The following COX7B2 variants were observed in gnomAD, a reference collection of about 807,000 sequenced individuals.
COX7B2 encodes cytochrome c oxidase subunit 7B2, mitochondrial.
For synonymous variants in COX7B2, 37 were observed against 32.1 expected (o/e 1.15, Z -0.51); for missense variants, 109 against 95.9 (o/e 1.14, Z -0.57).
chr4:46,751,028 T>C, intron 2 of COX7B2, among the ~76,000 whole-genome samples: 1 of 152,302 alleles, frequency 6.6e-6, no homozygotes, highest in East Asian at 1.9e-4. Flanking sequence ...GCTTTCATGG[T>C]CCTTGACAAC....
At chr4:46,783,943 G>A (rs1044508456) in intron 2 of COX7B2, among the ~76,000 whole-genome samples, 18 of 152,116 alleles carry the variant, frequency 1.2e-4, no homozygotes, top group African/African-American at 3.6e-4. Flanking sequence ...CTACTAAGGC[G>A]AGTCCTGTCT....
chr4:46,798,604 C>T (rs1398631226), intron 2 of COX7B2, among the ~76,000 whole-genome samples: 1 of 152,130 alleles, frequency 6.6e-6, no homozygotes, highest in African/African-American at 2.4e-5. Context: ...AAGCTACTAT[C>T]CTTTTGAAAA....
intron 2 of COX7B2, among the ~76,000 whole-genome samples, chr4:46,821,237 G>A (rs116461260): frequency 3.0e-3 from 454 of 152,308 alleles, no homozygotes; most frequent in African/African-American, 0.01. Flanking sequence ...AGACGCACCA[G>A]AGAGAATTCA....
intron 2 of COX7B2, among the ~76,000 whole-genome samples, chr4:46,747,795 T>G (rs1021391348): frequency 6.6e-6 from 1 of 152,240 alleles, no homozygotes; most frequent in East Asian, 1.9e-4. Context: ...ATAAAGCTCC[T>G]TCTGGCTTTT....
At chr4:46,742,189 G>A (rs1156433110) in intron 2 of COX7B2, among the ~76,000 whole-genome samples, 2 of 152,088 alleles carry the variant, frequency 1.3e-5, no homozygotes, top group African/African-American at 2.4e-5. Context: ...TAATACAGGT[G>A]TTCTGCTGTA....
intron 2 of COX7B2, among the ~76,000 whole-genome samples, chr4:46,774,282 T>C (rs1033912334): frequency 2.6e-5 from 4 of 152,150 alleles, no homozygotes; most frequent in Non-Finnish European, 5.9e-5. Flanking sequence ...CCCGTTACCT[T>C]AGGGTCTGGT....
chr4:46,804,490 A>T (rs1472874322), intron 2 of COX7B2, among the ~76,000 whole-genome samples: 1 of 152,142 alleles, frequency 6.6e-6, no homozygotes, highest in Non-Finnish European at 1.5e-5. Context: ...TAAGCTAGAC[A>T]AAAAAGTTCT....
At chr4:46,821,400 T>C (rs144875648) in intron 2 of COX7B2, among the ~76,000 whole-genome samples, 61 of 152,346 alleles carry the variant, frequency 4.0e-4, no homozygotes, top group African/African-American at 1.4e-3. Flanking sequence ...TATTTGACTC[T>C]ATGTGTTAAC....
intron 2 of COX7B2, among the ~76,000 whole-genome samples, chr4:46,754,731 T>TATATATAC (rs1715667214): frequency 8.2e-6 from 1 of 122,618 alleles, no homozygotes; most frequent in African/African-American, 3.1e-5. Flanking sequence ...TGTGTGTGTA[T>TATATATAC]ATATATATAT....
chr4:46,816,254 G>A (rs1719545738), intron 2 of COX7B2, among the ~76,000 whole-genome samples: 1 of 152,146 alleles, frequency 6.6e-6, no homozygotes. Flanking sequence ...TAAACCTCAT[G>A]AATACTGAAT....
intron 1 of COX7B2, among the ~76,000 whole-genome samples, chr4:46,889,082 T>G (rs1489307831): frequency 1.3e-5 from 2 of 152,204 alleles, no homozygotes; most frequent in African/African-American, 2.4e-5. Flanking sequence ...AAACATCTCA[T>G]GTACCCCATA....
At chr4:46,889,721 C>A (rs1719310006) in intron 1 of COX7B2, among the ~76,000 whole-genome samples, 1 of 152,160 alleles carries the variant, frequency 6.6e-6, no homozygotes, top group Admixed American at 6.5e-5. Context: ...CAAATTCTCT[C>A]AGCTTTTTAA....
intron 2 of COX7B2, among the ~76,000 whole-genome samples, chr4:46,777,327 A>G (rs1368089459): frequency 6.6e-6 from 1 of 152,132 alleles, no homozygotes; most frequent in Non-Finnish European, 1.5e-5. Flanking sequence ...TTTTGCTTTT[A>G]TCAAAGAGCA....
chr4:46,887,788 A>G (rs1719169951), intron 1 of COX7B2, among the ~76,000 whole-genome samples: 1 of 151,840 alleles, frequency 6.6e-6, no homozygotes, highest in East Asian at 1.9e-4. Context: ...ATGCATCCCA[A>G]CTAGGCAAGC....
intron 2 of COX7B2, among the ~76,000 whole-genome samples, chr4:46,825,731 C>T (rs1714644849): frequency 6.6e-6 from 1 of 151,822 alleles, no homozygotes; most frequent in African/African-American, 2.4e-5. Flanking sequence ...TAAGGCCACA[C>T]CCACAACTAT....
At chr4:46,810,225 C>T (rs2109659284) in intron 2 of COX7B2, among the ~76,000 whole-genome samples, 1 of 152,016 alleles carries the variant, frequency 6.6e-6, no homozygotes, top group Non-Finnish European at 1.5e-5. Flanking sequence ...TCAAATTATC[C>T]AATCAAATTA....
At chr4:46,799,314 T>C (rs563799311) in intron 2 of COX7B2, among the ~76,000 whole-genome samples, 1 of 152,112 alleles carries the variant, frequency 6.6e-6, no homozygotes, top group Non-Finnish European at 1.5e-5. Context: ...TGAAGAGAGA[T>C]AGTTTGACTT....
At chr4:46,835,248 T>TC (rs1212326113) in intron 2 of COX7B2, among the ~76,000 whole-genome samples, 2 of 152,278 alleles carry the variant, frequency 1.3e-5, no homozygotes, top group East Asian at 3.9e-4. Flanking sequence ...AGTTTTAACT[T>TC]CAGGAATACT....
At chr4:46,788,451 T>C (rs1717866568) in intron 2 of COX7B2, among the ~76,000 whole-genome samples, 1 of 152,168 alleles carries the variant, frequency 6.6e-6, no homozygotes, top group African/African-American at 2.4e-5. Context: ...CTAGGGGTCA[T>C]TTCTCAGTTA....
Sources: allele counts gnomAD v4.1 joint callset (sites outside exome capture counted in the v4.1 genomes callset), GRCh38; gene constraint gnomAD v4.1.1; transcripts MANE v1.5; gene names NCBI Gene and HGNC (gene_info 2026-07-23, HGNC 2026-07-21).